Variants in SCML2 observed in about 807,000 individuals in gnomAD.
SCML2 encodes sex comb on midleg-like protein 2.
SCML2 carries 6 observed loss-of-function variants against 48.4 expected under a neutral mutation model. That is an observed-to-expected ratio of 0.12 (90% CI 0.07 to 0.24). The LOEUF is 0.24. SCML2 is among the 10% of genes least tolerant of loss of function. The pLI is 1.00. For missense variants in SCML2, 377 were observed against 528.2 expected (o/e 0.71, Z 2.81); for synonymous variants, 181 against 189.5 (o/e 0.95, Z 0.37).
intron 1 of SCML2, among the ~76,000 whole-genome samples, chrX:18,347,483 G>A (rs1158961320): frequency 9.3e-6 from 1 of 107,270 alleles, no homozygotes; most frequent in Non-Finnish European, 1.9e-5. Flanking sequence ...CGGGCGCAGG[G>A]GCTCATGCCT....
chrX:18,323,834 G>A (rs180917551), intron 5 of SCML2, 25 bp downstream of exon 5: 28 of 1,079,197 alleles, frequency 2.6e-5, no homozygotes, highest in Non-Finnish European at 1.2e-5. Context: ...GAAAGAATAC[G>A]CTATTTTTAA....
chrX:18,354,734 C>A (rs753641642), upstream of SCML2: 1 of 231,377 alleles, frequency 4.3e-6, no homozygotes, highest in African/African-American at 2.9e-5. Context: ...CGCCCCGCCC[C>A]CCGCGCGGCC....
chrX:18,326,679 CAAAAAAA>C (rs368286831), intron 3 of SCML2, among the ~76,000 whole-genome samples: 1 of 57,775 alleles, frequency 1.7e-5, no homozygotes, highest in African/African-American at 6.3e-5. Flanking sequence ...GACTCCATCT[CAAAAAAA>C]AAAAAAAAAA....
chrX:18,258,463 A>T (rs1229354948), intron 9 of SCML2, among the ~76,000 whole-genome samples: 3 of 112,040 alleles, frequency 2.7e-5, no homozygotes, highest in Non-Finnish European at 5.6e-5. Context: ...AACAATCAAA[A>T]TGTTTATTCA....
intron 3 of SCML2, among the ~76,000 whole-genome samples, chrX:18,326,156 G>A (rs1439768734): frequency 1.8e-5 from 2 of 112,336 alleles, no homozygotes; most frequent in Non-Finnish European, 3.7e-5. Context: ...GCCGGTGTGA[G>A]CCAGCTCCAG....
intron 7 of SCML2, among the ~76,000 whole-genome samples, chrX:18,280,056 T>C (rs1319746981): frequency 2.7e-5 from 3 of 111,142 alleles, no homozygotes; most frequent in African/African-American, 6.6e-5. Flanking sequence ...CCAAAGCACA[T>C]AGTTATGAGA....
chrX:18,254,929 AAAAAG>A (rs1178993982), intron 11 of SCML2, among the ~76,000 whole-genome samples: 2 of 111,027 alleles, frequency 1.8e-5, no homozygotes, highest in Admixed American at 9.6e-5. Context: ...GTGTCCAAAA[AAAAAG>A]AAATCAGGAA....
intron 11 of SCML2, among the ~76,000 whole-genome samples, chrX:18,250,357 C>A (rs1926604559): frequency 9.0e-6 from 1 of 110,699 alleles, no homozygotes; most frequent in African/African-American, 3.3e-5. Context: ...GGATTATAGG[C>A]ACATGCCACC....
intron 2 of SCML2, among the ~76,000 whole-genome samples, chrX:18,333,255 C>G (rs745957963): frequency 1.8e-5 from 2 of 109,324 alleles, no homozygotes; most frequent in South Asian, 8.0e-4. Context: ...CCAGCCTGGA[C>G]AACAGAGCAA....
At chrX:18,286,430 T>C (rs1189125209) in intron 7 of SCML2, among the ~76,000 whole-genome samples, 1 of 111,713 alleles carries the variant, frequency 9.0e-6, no homozygotes, top group Non-Finnish European at 1.9e-5. Flanking sequence ...TCCTCACAAA[T>C]AAAACACAAT....
rs1926189527 is a variant in SCML2 at position 18,239,418 on chromosome X, T to C, written c.*1833A>G. The C allele has an allele frequency of 8.9e-6, 1 of 112,913 alleles. No individual in the cohort carries two copies. Among genetic ancestry groups the C allele is most frequent in the South Asian group, 3.6e-4 (1 of 2,740 alleles). 9.3% of individuals were successfully genotyped at this position (112,913 alleles called of 1,213,427 possible). On this transcript the variant is annotated 3_prime_UTR_variant, in exon 15 of 15. Coordinates refer to ENST00000251900, the MANE Select transcript of SCML2 (RefSeq NM_006089.3). ...TGTTCAAGTGGGTACAGCATCTTCA[T>C]ACAAACAACTTGAAAGAAGACCAAG... is the stretch of plus-strand genomic sequence containing the variant.
At chrX:18,251,309 CAAAAAAAAAA>C (rs750658948) in intron 11 of SCML2, among the ~76,000 whole-genome samples, 18 of 6,772 alleles carry the variant, frequency 2.7e-3, no homozygotes, top group East Asian at 4.9e-3. Context: ...GATTCCATTG[CAAAAAAAAAA>C]AAAAAAAAAA....
At chrX:18,253,294 T>TA (rs1179087833) in intron 11 of SCML2, among the ~76,000 whole-genome samples, 1 of 111,523 alleles carries the variant, frequency 9.0e-6, no homozygotes, top group Admixed American at 9.6e-5. Flanking sequence ...TCTTTCTGCT[T>TA]AAAAAAGAGG....
intron 7 of SCML2, among the ~76,000 whole-genome samples, chrX:18,299,508 A>G (rs1012544732): frequency 1.9e-5 from 2 of 107,195 alleles, no homozygotes; most frequent in African/African-American, 7.0e-5. Flanking sequence ...ACTGAGTGAG[A>G]CTCCGTCTCA....
intron 6 of SCML2, among the ~76,000 whole-genome samples, chrX:18,308,008 C>A (rs1036665088): frequency 9.2e-6 from 1 of 108,271 alleles, no homozygotes; most frequent in African/African-American, 3.4e-5. Context: ...GCAGGAGAAT[C>A]GCTTGAATCC....
At chrX:18,315,745 G>A (rs767007686) in intron 6 of SCML2, among the ~76,000 whole-genome samples, 2 of 111,938 alleles carry the variant, frequency 1.8e-5, no homozygotes, top group Admixed American at 1.9e-4. Flanking sequence ...TTGTGGCCAA[G>A]GATAAGTGTT....
At chrX:18,292,532 G>T (rs1928265123) in intron 7 of SCML2, among the ~76,000 whole-genome samples, 2 of 110,390 alleles carry the variant, frequency 1.8e-5, no homozygotes, top group African/African-American at 3.3e-5. Flanking sequence ...AAAAAAAATA[G>T]GCAAGAAAGC....
intron 7 of SCML2, among the ~76,000 whole-genome samples, chrX:18,288,950 G>A (rs902719298): frequency 2.7e-5 from 3 of 111,553 alleles, no homozygotes; most frequent in African/African-American, 9.8e-5. Context: ...AAAGTAATTC[G>A]TATATTGTCT....
chrX:18,329,226 T>A (rs1354126653), intron 3 of SCML2, among the ~76,000 whole-genome samples: 1 of 111,881 alleles, frequency 8.9e-6, no homozygotes, highest in Non-Finnish European at 1.9e-5. Context: ...TTTGTAGGGA[T>A]AAGGAACAGT....
Sources: gnomAD v4.1 joint callset for allele counts (sites outside exome capture counted in the v4.1 genomes callset) on GRCh38, gnomAD v4.1.1 for gene constraint, MANE v1.5 for transcripts, NCBI Gene and HGNC (gene_info 2026-07-23, HGNC 2026-07-21) for gene names.